The following KCNK10 variants were observed in gnomAD, a reference collection of about 807,000 sequenced individuals.
KCNK10 encodes potassium two pore domain channel subfamily K member 10, also known as potassium channel subfamily K member 10.
KCNK10 carries 25 observed loss-of-function variants against 47.7 expected under a neutral mutation model. The ratio of observed to expected loss-of-function variants is 0.52; its 90% CI spans 0.38 to 0.73. The LOEUF (loss-of-function observed/expected upper bound fraction) is 0.73, where lower values mean the gene tolerates loss of function less well. Among genes scored for constraint, KCNK10 ranks in the 30% least tolerant of loss-of-function variants. The probability of loss-of-function intolerance (pLI) is 0.00; values close to 1 mark genes in which losing one functional copy is unlikely to be tolerated. For synonymous variants in KCNK10, 303 were observed against 285.6 expected (o/e 1.06, Z -0.61); for missense variants, 563 against 714.5 (o/e 0.79, Z 2.42).
At chr14:88,270,310 G>A (rs554516953) in intron 1 of KCNK10, among the ~76,000 whole-genome samples, 4 of 152,242 alleles carry the variant, frequency 2.6e-5, no homozygotes, top group East Asian at 1.9e-4. Context: ...CACCCACACC[G>A]GCCTCCAGTT....
chr14:88,231,111 C>T (rs1033017566), intron 3 of KCNK10, among the ~76,000 whole-genome samples: 2 of 150,540 alleles, frequency 1.3e-5, no homozygotes, highest in East Asian at 2.0e-4. Flanking sequence ...CTTGTCTCTA[C>T]AAAAAAAAAA....
At chr14:88,238,488 T>C (rs954483098) in intron 3 of KCNK10, among the ~76,000 whole-genome samples, 1 of 152,108 alleles carries the variant, frequency 6.6e-6, no homozygotes, top group Non-Finnish European at 1.5e-5. Context: ...CTGGGTAACA[T>C]AGTGAAACCC....
rs544341269 is a variant in KCNK10, at chr14:88,231,340, G to A, written c.521-3805C>T. On this transcript the variant is annotated intron_variant, in intron 3 of 6. Transcript: ENST00000319231. ...ATCCAGTGCTGGGTAAGTACCAACA[G>A]GTGCCTCGATAGTTTGATAGGGACA... is the stretch of plus-strand genomic sequence containing the variant. 9.2e-5 allele frequency among the ~76,000 whole-genome samples: 14 copies of A among 152,156 alleles called. No individual in the cohort carries two copies. In the South Asian group the frequency reaches 2.7e-3, roughly 29 times the overall value.
chr14:88,211,314 G>C (rs1454943008), intron 4 of KCNK10, among the ~76,000 whole-genome samples: 2 of 152,208 alleles, frequency 1.3e-5, no homozygotes, highest in Non-Finnish European at 2.9e-5. Flanking sequence ...GAAATTCATA[G>C]ACACAGAAAG....
chr14:88,313,014 A>C lies in KCNK10; in HGVS notation c.52+9733T>G, dbSNP rs543875592. Among the ~76,000 whole-genome samples, 3 of 152,352 alleles carry C rather than the reference A, an allele frequency of 2.0e-5. No homozygotes were observed. In the South Asian group the frequency reaches 6.2e-4, roughly 32 times the overall value. On this transcript the variant is annotated intron_variant, in intron 1 of 6. Coordinates refer to ENST00000319231, the MANE Select transcript of KCNK10 (RefSeq NM_138317.3). ...TAAACAAAATTAAACAGACTTCTGA[A>C]CTACAGGATTATCAGAGAGAGGCAT... is the stretch of plus-strand genomic sequence containing the variant.
At chr14:88,318,123 G>A (rs1165063696) in intron 1 of KCNK10, among the ~76,000 whole-genome samples, 1 of 152,236 alleles carries the variant, frequency 6.6e-6, no homozygotes, top group Non-Finnish European at 1.5e-5. Flanking sequence ...TTGCAAGGAA[G>A]TGGGAATATC....
At chr14:88,283,772 G>A (rs1043926155) in intron 1 of KCNK10, among the ~76,000 whole-genome samples, 27 of 152,026 alleles carry the variant, frequency 1.8e-4, no homozygotes, top group Non-Finnish European at 3.2e-4. Flanking sequence ...AAATTAGCCA[G>A]GCATGGTGGT....
chr14:88,248,595 G>T (rs113552333), intron 2 of KCNK10, among the ~76,000 whole-genome samples: 1 of 152,034 alleles, frequency 6.6e-6, no homozygotes, highest in Non-Finnish European at 1.5e-5. Context: ...CAGGTATGGT[G>T]GTGCATGCCT....
chr14:88,304,952 C>G (rs1331084273), intron 1 of KCNK10, among the ~76,000 whole-genome samples: 1 of 152,120 alleles, frequency 6.6e-6, no homozygotes, highest in East Asian at 1.9e-4. Flanking sequence ...AATCCTAGCA[C>G]TTTGGGAGGC....
chr14:88,191,816 T>C (rs1423515562), intron 5 of KCNK10, among the ~76,000 whole-genome samples: 2 of 152,216 alleles, frequency 1.3e-5, no homozygotes, highest in African/African-American at 4.8e-5. Flanking sequence ...GTCAGGAAGC[T>C]GAACCTGCAG....
rs868244578 is a variant in KCNK10, at chr14:88,243,714, C to T, written c.403-2894G>A. Among the ~76,000 whole-genome samples the T allele has an allele frequency of 2.8e-4, 42 of 151,806 alleles. No homozygotes were observed. The Middle Eastern group carries it at 0.01, about 37-fold the overall frequency. On this transcript the variant is annotated intron_variant, in intron 2 of 6. Coordinates refer to ENST00000319231, the MANE Select transcript of KCNK10 (RefSeq NM_138317.3). The stretch of plus-strand genomic sequence containing the variant: ...GTAGGAAAAGGTTGATTTTTATACC[C>T]TAAGAGGGAAGGATCAGAGAAAAGG...
intron 1 of KCNK10, among the ~76,000 whole-genome samples, chr14:88,284,856 G>A (rs187711928): frequency 6.6e-6 from 1 of 152,212 alleles, no homozygotes; most frequent in Non-Finnish European, 1.5e-5. Flanking sequence ...CCATCAAAAT[G>A]AGAACCTCTC....
At chr14:88,271,463 G>A (rs1268432450) in intron 1 of KCNK10, among the ~76,000 whole-genome samples, 2 of 152,166 alleles carry the variant, frequency 1.3e-5, no homozygotes, top group Non-Finnish European at 2.9e-5. Context: ...TCCAAAGAGA[G>A]TTCTTCATGG....
chr14:88,218,509 C>T (rs1393108585), intron 4 of KCNK10, among the ~76,000 whole-genome samples: 1 of 150,132 alleles, frequency 6.7e-6, no homozygotes, highest in Non-Finnish European at 1.5e-5. Context: ...CATTTGGATC[C>T]ATAAGCAAAT....
In KCNK10 at chr14:88,186,784, G is replaced by A. The variant is rs181017358; in HGVS notation, c.1012-629C>T. Among the ~76,000 whole-genome samples, 234 of 152,282 alleles carry A rather than the reference G, an allele frequency of 1.5e-3. 1 individual carries two copies. Among genetic ancestry groups the A allele is most frequent in the African/African-American group, 5.3e-3 (221 of 41,546 alleles). ...GGGCCATGCTATGGTCATGTGCTGT[G>A]GGGCTTTCCCTGGTTTAAGAAGATG... On this transcript the variant is annotated intron_variant, in intron 6 of 6. Coordinates refer to ENST00000319231, the MANE Select transcript of KCNK10 (RefSeq NM_138317.3). The surrounding 1 kb of genome is among the most constrained non-coding windows in gnomAD (Gnocchi z 5.5).
At chr14:88,267,362 T>C (rs367915688) in intron 1 of KCNK10, among the ~76,000 whole-genome samples, 24 of 150,716 alleles carry the variant, frequency 1.6e-4, no homozygotes, top group African/African-American at 5.7e-4. Context: ...TAAATTCTTT[T>C]CTTTTTCTTT....
chr14:88,278,265 G>A (rs923818438), intron 1 of KCNK10, among the ~76,000 whole-genome samples: 2 of 152,230 alleles, frequency 1.3e-5, no homozygotes, highest in Non-Finnish European at 2.9e-5. Flanking sequence ...GTTGGCTTCA[G>A]TATCATTTTC....
chr14:88,239,536 A>G (rs2139888227), intron 3 of KCNK10, among the ~76,000 whole-genome samples: 1 of 152,334 alleles, frequency 6.6e-6, no homozygotes, highest in African/African-American at 2.4e-5. Context: ...ATAGAACACT[A>G]AAATTATTAT....
intron 4 of KCNK10, among the ~76,000 whole-genome samples, chr14:88,213,325 A>G (rs1885520081): frequency 6.6e-6 from 1 of 152,238 alleles, no homozygotes; most frequent in Non-Finnish European, 1.5e-5. Context: ...AAAGTTCTCT[A>G]TAAGAAGAGA....
Sources: gnomAD v4.1 joint callset for allele counts (sites outside exome capture counted in the v4.1 genomes callset) on GRCh38, gnomAD v4.1.1 for gene constraint, Gnocchi (gnomAD v3.1) non-coding constraint, MANE v1.5 for transcripts, NCBI Gene and HGNC (gene_info 2026-07-23, HGNC 2026-07-21) for gene names.